Variants in PTK2B observed in about 807,000 individuals in gnomAD.
PTK2B encodes the protein protein tyrosine kinase 2 beta.
A neutral mutation model predicts 142.9 loss-of-function variants in PTK2B; 71 were observed. The observed-to-expected ratio is 0.50, with a 90% CI of 0.41 to 0.61. The LOEUF (loss-of-function observed/expected upper bound fraction) is 0.61, where lower values mean the gene tolerates loss of function less well. Among genes scored for constraint, PTK2B ranks in the 20% least tolerant of loss-of-function variants. The probability of loss-of-function intolerance (pLI) is 0.00; values close to 1 mark genes in which losing one functional copy is unlikely to be tolerated. For synonymous variants in PTK2B, 519 were observed against 503.4 expected, an observed-to-expected ratio of 1.03 and a Z score of -0.42; for missense variants, 1,105 against 1,320.4, an observed-to-expected ratio of 0.84 and a Z score of 2.53.
At chr8:27,325,318 A>G (rs1002495054), upstream of PTK2B, 1 of 152,204 alleles carries the variant, frequency 6.6e-6, no homozygotes. Flanking sequence ...AACTGCTCAC[A>G]AGGGGCACAT....
At chr8:27,419,868 G>A in intron 2 of PTK2B, 27 bp from the exon 3 acceptor site, 1 of 1,612,858 alleles carries the variant, frequency 6.2e-7, no homozygotes, top group Non-Finnish European at 8.5e-7. Flanking sequence ...GCACCCCTGA[G>A]TCATGCCTCT....
chr8:27,435,229 CT>C (rs59985011), intron 13 of PTK2B, among the ~76,000 whole-genome samples: 1 of 152,316 alleles, frequency 6.6e-6, no homozygotes, highest in Non-Finnish European at 1.5e-5. Context: ...TCACTGTGGG[CT>C]CACGTGATGA....
intron 21 of PTK2B, 50 bp from the exon 22 acceptor site, chr8:27,442,825 C>T (rs750719845): frequency 1.1e-5 from 17 of 1,486,358 alleles, no homozygotes; most frequent in Admixed American, 1.7e-5. Flanking sequence ...CCCCAAGGAG[C>T]GTCTCACTTT....
intron 5 of PTK2B, among the ~76,000 whole-genome samples, chr8:27,426,429 G>A (rs1168544914): frequency 2.0e-5 from 3 of 152,182 alleles, no homozygotes; most frequent in Non-Finnish European, 4.4e-5. Flanking sequence ...CAGTGTTGGC[G>A]GTCCAGGCAT....
intron 1 of PTK2B, among the ~76,000 whole-genome samples, chr8:27,383,865 T>TTTTTTTTTTTTTTTTTTG (rs1563238858): frequency 6.7e-6 from 1 of 149,736 alleles, no homozygotes. Flanking sequence ...TTTTTTTTTT[T>TTTTTTTTTTTTTTTTTTG]GAGACAGAGT....
At chr8:27,438,979 C>T in intron 18 of PTK2B, 52 bp from the exon 19 acceptor site, 1 of 1,480,300 alleles carries the variant, frequency 6.8e-7, no homozygotes, top group South Asian at 1.1e-5. Context: ...TCTGTTCCTG[C>T]TCCCATGGGG....
rs1336916646 is a variant in PTK2B at position 27,452,912 on chromosome 8, GGGACAACAGTGCTGTCCCTGACTACT to G, written c.2549-200_2549-175del. 8.2e-5 allele frequency: 50 copies of G among 608,366 alleles called. 1 individual carries two copies. The highest frequency in any genetic ancestry group is 6.8e-5 in the South Asian group (3 of 44,116). The allele number at this position is 608,366 out of a possible 1,614,324, so 37.7% of individuals were successfully genotyped here. ...ACTTTGCCTTTTTCTTCCTATAAAAGGGACAACAGTGCTGTCCCTGACTACTGCAAAACCAGGGAGACCAGGAGGTT... is the reference window on the plus strand; with the variant it reads ...ACTTTGCCTTTTTCTTCCTATAAAAGGCAAAACCAGGGAGACCAGGAGGTT... On this transcript the variant is annotated intron_variant, in intron 27 of 30. Coordinates refer to ENST00000346049, the MANE Select transcript of PTK2B (RefSeq NM_173176.3).
At chr8:27,341,730 A>G (rs908713564) in intron 1 of PTK2B, among the ~76,000 whole-genome samples, 3 of 152,056 alleles carry the variant, frequency 2.0e-5, no homozygotes, top group African/African-American at 7.3e-5. Context: ...CTCCAGTACA[A>G]TAGCATAGTT....
intron 1 of PTK2B, among the ~76,000 whole-genome samples, chr8:27,396,564 A>G (rs1049581792): frequency 1.8e-4 from 27 of 152,248 alleles, no homozygotes; most frequent in African/African-American, 6.5e-4. Context: ...GTCTGAGGTT[A>G]GGGCTTGGTT....
rs369138888 is a variant in PTK2B at position 27,427,385 on chromosome 8, C to A, written c.552-2708C>A. On this transcript the variant is annotated intron_variant, in intron 5 of 30. Coordinates refer to ENST00000346049, the MANE Select transcript of PTK2B (RefSeq NM_173176.3). Reference sequence around the variant, plus strand: ...ACAGCTCTGTGAGGCAAGGACATGTCCCCGTGCACCAGATTGTGAAAATCT... The same window carrying A: ...ACAGCTCTGTGAGGCAAGGACATGTACCCGTGCACCAGATTGTGAAAATCT... 3.3e-5 allele frequency among the ~76,000 whole-genome samples: 5 copies of A among 152,286 alleles called. No homozygotes were observed. The South Asian group carries it at 1.0e-3, about 32-fold the overall frequency.
chr8:27,442,461 A>G (rs761762736), intron 21 of PTK2B, among the ~76,000 whole-genome samples: 8 of 147,894 alleles, frequency 5.4e-5, no homozygotes, highest in African/African-American at 1.1e-4. Context: ...GGGATGTTTC[A>G]TGAGAAATAG....
At chr8:27,392,345 G>C (rs1807778925) in intron 1 of PTK2B, among the ~76,000 whole-genome samples, 1 of 151,274 alleles carries the variant, frequency 6.6e-6, no homozygotes, top group South Asian at 2.1e-4. Flanking sequence ...CTACTGACAG[G>C]AGGAGCAAGA....
In PTK2B at chr8:27,342,916, C is replaced by G. The variant is rs1804495504; in HGVS notation, c.-38+17235C>G. Among the ~76,000 whole-genome samples, 2 of 152,172 alleles carry G rather than the reference C, an allele frequency of 1.3e-5. 1 individual carries two copies. Among genetic ancestry groups the G allele is most frequent in the Admixed American group, 1.3e-4 (2 of 15,274 alleles). On this transcript the variant is annotated intron_variant, in intron 1 of 30. Transcript: ENST00000346049. ...GAAACAAACCAAAGCAAACCGAGAC[C>G]TGTTTACATTGGCCCTTGCTGGACA... is the stretch of plus-strand genomic sequence containing the variant.
At chr8:27,419,798 C>T (rs2131820654) in intron 2 of PTK2B, 97 bp from the exon 3 acceptor site, 2 of 1,319,854 alleles carry the variant, frequency 1.5e-6, no homozygotes, top group East Asian at 2.5e-5. Context: ...AAGACAGAAT[C>T]CCACCCTAGA....
chr8:27,342,134 G>A (rs1368571383), intron 1 of PTK2B, among the ~76,000 whole-genome samples: 2 of 152,136 alleles, frequency 1.3e-5, no homozygotes, highest in Admixed American at 1.3e-4. Context: ...CCCCCACAGG[G>A]ATGTACCCTC....
Position 27,363,091 on chromosome 8 carries a change from T to C in PTK2B, c.-37-34457T>C, listed in dbSNP as rs1293375450. Among the ~76,000 whole-genome samples, 1 of 152,178 alleles carries C rather than the reference T, an allele frequency of 6.6e-6. No individual in the cohort carries two copies. The highest frequency in any genetic ancestry group is 2.4e-5 in the African/African-American group (1 of 41,430). ...TGACTAAAAACTCAGGATATCCCAC[T>C]GGCCCTGGGCAAATTCCCTCATTGG... is the stretch of plus-strand genomic sequence containing the variant. On this transcript the variant is annotated intron_variant, in intron 1 of 30. Coordinates refer to ENST00000346049, the MANE Select transcript of PTK2B (RefSeq NM_173176.3). The surrounding 1 kb of genome is among the most constrained non-coding windows in gnomAD (Gnocchi z 4.3).
intron 15 of PTK2B, among the ~76,000 whole-genome samples, chr8:27,436,601 A>G (rs968593008): frequency 6.6e-6 from 1 of 152,186 alleles, no homozygotes; most frequent in African/African-American, 2.4e-5. Context: ...AAGGGTCAGT[A>G]TTCTTGGTGG....
intron 1 of PTK2B, among the ~76,000 whole-genome samples, chr8:27,344,319 C>G (rs1804588777): frequency 6.6e-6 from 1 of 152,230 alleles, no homozygotes; most frequent in Admixed American, 6.5e-5. Context: ...ATCAGCAAGG[C>G]AGGTCCCAAG....
chr8:27,446,284 A>G (rs1044872774), intron 24 of PTK2B, among the ~76,000 whole-genome samples: 12 of 152,178 alleles, frequency 7.9e-5, no homozygotes, highest in African/African-American at 2.7e-4. Context: ...GCTGGAGAGT[A>G]TCCTTCCTAA....
Sources: allele counts gnomAD v4.1 joint callset (sites outside exome capture counted in the v4.1 genomes callset), GRCh38; gene constraint gnomAD v4.1.1; non-coding constraint Gnocchi (gnomAD v3.1); transcripts MANE v1.5; gene names NCBI Gene and HGNC (gene_info 2026-07-23, HGNC 2026-07-21).